Variants in PARD3B observed in about 807,000 individuals in gnomAD.
The protein encoded by PARD3B is par-3 family cell polarity regulator beta.
A neutral mutation model predicts 130.2 loss-of-function variants in PARD3B; 103 were observed. The ratio of observed to expected loss-of-function variants is 0.79; its 90% CI spans 0.67 to 0.93. The LOEUF (loss-of-function observed/expected upper bound fraction) is 0.93. Ranked by LOEUF, PARD3B falls within the 40% of genes least tolerant of loss-of-function variation. The probability of loss-of-function intolerance (pLI) is 0.00; values close to 1 mark genes in which losing one functional copy is unlikely to be tolerated. For missense variants in PARD3B, 1,609 were observed against 1,499.2 expected, an observed-to-expected ratio of 1.07 and a Z score of -1.21; for synonymous variants, 583 against 553.2, an observed-to-expected ratio of 1.05 and a Z score of -0.76.
At position 205,195,483 on chromosome 2, in the gene PARD3B, C is replaced by T. The variant is rs188460771; in HGVS notation, c.2140+2163C>T. ...TAGTACCATTTTGATCCCTTCTCCC[C>T]AGAACAGTCAAGTCAGGGAGCCTAA... On this transcript the variant is annotated intron_variant, in intron 15 of 22. Coordinates refer to ENST00000406610, the MANE Select transcript of PARD3B (RefSeq NM_001302769.2). Among the ~76,000 whole-genome samples the T allele has an allele frequency of 2.4e-4, 36 of 152,304 alleles. No homozygotes were observed. The East Asian group carries it at 7.0e-3, about 29-fold the overall frequency.
intron 2 of PARD3B, among the ~76,000 whole-genome samples, chr2:204,851,486 T>C (rs113652229): frequency 2.5e-3 from 387 of 152,350 alleles, no homozygotes; most frequent in African/African-American, 8.7e-3. Flanking sequence ...AGGTTCTGAA[T>C]GTAAACTTTA....
At chr2:204,991,816 T>C (rs1243581510) in intron 3 of PARD3B, among the ~76,000 whole-genome samples, 1 of 151,778 alleles carries the variant, frequency 6.6e-6, no homozygotes. Context: ...TTTGCATTTC[T>C]CTGATGGCCA....
rs892605617 is a variant in PARD3B, at chr2:204,652,901, G to A, written c.121-33280G>A. On this transcript the variant is annotated intron_variant, in intron 1 of 22. Coordinates refer to ENST00000406610, the MANE Select transcript of PARD3B (RefSeq NM_001302769.2). ...CAAGTGAAAGGGGAAGTGCTACACA[G>A]TTTCGAACAACCAGATCTCCTGAGA... 2.6e-5 allele frequency among the ~76,000 whole-genome samples: 4 copies of A among 151,184 alleles called. 1 individual carries two copies. Among genetic ancestry groups the A allele is most frequent in the Admixed American group, 2.0e-4 (3 of 15,264 alleles).
chr2:205,223,896 A>G (rs1032806380), intron 15 of PARD3B, among the ~76,000 whole-genome samples: 1 of 152,124 alleles, frequency 6.6e-6, no homozygotes, highest in Non-Finnish European at 1.5e-5. Context: ...TGTCCATCAC[A>G]TCAAGCATTT....
chr2:204,802,224 A>G (rs552903404), intron 2 of PARD3B, among the ~76,000 whole-genome samples: 6 of 152,346 alleles, frequency 3.9e-5, no homozygotes, highest in Admixed American at 1.3e-4. Flanking sequence ...TATGTGGCCA[A>G]TAAACATATG....
chr2:204,890,818 C>T lies in PARD3B; in HGVS notation c.223-74334C>T, dbSNP rs947206905. Reference sequence around the variant, plus strand: ...TAAGTGATAGCACGTTTCACTGCAGCTACTACAGCATCTTTGCTGTCTGGA... The same window carrying T: ...TAAGTGATAGCACGTTTCACTGCAGTTACTACAGCATCTTTGCTGTCTGGA... On this transcript the variant is annotated intron_variant, in intron 2 of 22. Transcript: ENST00000406610. The surrounding 1 kb of genome is among the most constrained non-coding windows in gnomAD (Gnocchi z 4.9). Among the ~76,000 whole-genome samples, 3 of 152,200 alleles carry T rather than the reference C, an allele frequency of 2.0e-5. No homozygotes were observed. The highest frequency in any genetic ancestry group is 2.9e-5 in the Non-Finnish European group (2 of 68,042).
chr2:205,411,831 A>G (rs924297287), intron 19 of PARD3B, among the ~76,000 whole-genome samples: 3 of 152,102 alleles, frequency 2.0e-5, no homozygotes, highest in African/African-American at 7.2e-5. Context: ...ATGGCAGCAC[A>G]GTAGTGTGGG....
At chr2:204,699,773 T>C (rs1293191428) in intron 2 of PARD3B, among the ~76,000 whole-genome samples, 1 of 151,112 alleles carries the variant, frequency 6.6e-6, no homozygotes, top group Non-Finnish European at 1.5e-5. Context: ...TGGAAACTTA[T>C]TTCCCAAATG....
chr2:205,296,802 C>A (rs1378049534), intron 16 of PARD3B, among the ~76,000 whole-genome samples: 2 of 150,724 alleles, frequency 1.3e-5, no homozygotes, highest in African/African-American at 4.9e-5. Flanking sequence ...TCCCTCTACT[C>A]TATATAGGAC....
Position 205,458,120 on chromosome 2 carries a change from C to T in PARD3B, c.3044+17448C>T, listed in dbSNP as rs1357301141. Among the ~76,000 whole-genome samples the T allele has an allele frequency of 3.3e-5, 5 of 151,936 alleles. No individual in the cohort carries two copies. The highest frequency in any genetic ancestry group is 6.6e-5 in the Admixed American group (1 of 15,220). ...AGTTTTACTGTGATGTGTCTGTGAGCGTGTGTTGGCAGGGAGGTATGTTTA... is the reference window on the plus strand; with the variant it reads ...AGTTTTACTGTGATGTGTCTGTGAGTGTGTGTTGGCAGGGAGGTATGTTTA... On this transcript the variant is annotated intron_variant, in intron 20 of 22. Coordinates refer to ENST00000406610, the MANE Select transcript of PARD3B (RefSeq NM_001302769.2). The surrounding 1 kb of genome is among the most constrained non-coding windows in gnomAD (Gnocchi z 4.8).
intron 3 of PARD3B, among the ~76,000 whole-genome samples, chr2:205,037,676 A>ACT (rs1320273395): frequency 1.0e-4 from 12 of 117,708 alleles, no homozygotes; most frequent in Non-Finnish European, 1.9e-4. Flanking sequence ...TATATAGTGG[A>ACT]CTATATATAT....
chr2:205,459,457 G>C (rs553414640), intron 20 of PARD3B, among the ~76,000 whole-genome samples: 2 of 152,100 alleles, frequency 1.3e-5, no homozygotes, highest in African/African-American at 4.8e-5. Context: ...TTGTTAGAAG[G>C]ATAAAAAGAA....
At chr2:204,638,704 A>C (rs553049895) in intron 1 of PARD3B, among the ~76,000 whole-genome samples, 1 of 152,268 alleles carries the variant, frequency 6.6e-6, no homozygotes, top group East Asian at 1.9e-4. Flanking sequence ...GGGGACTTCA[A>C]ATGACTATGC....
chr2:205,448,824 C>G (rs555198180), intron 20 of PARD3B, among the ~76,000 whole-genome samples: 1 of 152,140 alleles, frequency 6.6e-6, no homozygotes, highest in African/African-American at 2.4e-5. Context: ...ACGAGGTACA[C>G]CATGTTTGTG....
At chr2:204,894,362 A>G (rs2046563934) in intron 2 of PARD3B, among the ~76,000 whole-genome samples, 1 of 152,084 alleles carries the variant, frequency 6.6e-6, no homozygotes, top group Admixed American at 6.6e-5. Context: ...AGGACTATAA[A>G]CCAGGGCTGG....
chr2:205,191,759 A>G (rs192562660), intron 14 of PARD3B, among the ~76,000 whole-genome samples: 1 of 152,330 alleles, frequency 6.6e-6, no homozygotes, highest in Admixed American at 6.5e-5. Flanking sequence ...GAGGTCCAGT[A>G]AGTCTCTTAG....
chr2:205,083,964 A>G (rs1404342036), intron 4 of PARD3B, among the ~76,000 whole-genome samples: 1 of 152,162 alleles, frequency 6.6e-6, no homozygotes, highest in African/African-American at 2.4e-5. Context: ...ATATATAAAT[A>G]CTTCAGTGTA....
chr2:205,431,204 G>GCCTA (rs2047320538), intron 19 of PARD3B, among the ~76,000 whole-genome samples: 1 of 152,218 alleles, frequency 6.6e-6, no homozygotes, highest in Admixed American at 6.5e-5. Flanking sequence ...AGCCTCCCAA[G>GCCTA]TAGCTGGGAT....
At chr2:204,825,022 T>C (rs1202131685) in intron 2 of PARD3B, among the ~76,000 whole-genome samples, 2 of 152,200 alleles carry the variant, frequency 1.3e-5, no homozygotes. Context: ...AGGGAGCATA[T>C]GTTTTTTTTC....
Sources: gnomAD v4.1 joint callset for allele counts (sites outside exome capture counted in the v4.1 genomes callset) on GRCh38, gnomAD v4.1.1 for gene constraint, Gnocchi (gnomAD v3.1) non-coding constraint, MANE v1.5 for transcripts, NCBI Gene and HGNC (gene_info 2026-07-23, HGNC 2026-07-21) for gene names.